PDE4D: variants seen among roughly 807,000 people sequenced by gnomAD.
The protein encoded by PDE4D is phosphodiesterase 4D.
Under a neutral mutation model 87.4 loss-of-function variants are expected in PDE4D, and 24 were observed. The ratio of observed to expected loss-of-function variants is 0.27; its 90% confidence interval spans 0.20 to 0.39. The LOEUF is 0.39. Ranked by LOEUF, PDE4D falls within the 10% of genes least tolerant of loss-of-function variation. The pLI, the probability that PDE4D is intolerant of heterozygous loss-of-function variation, is 1.00. For synonymous variants in PDE4D, 384 were observed against 383.2 expected (o/e 1.00, Z -0.02); for missense variants, 714 against 1,041.0 (o/e 0.69, Z 4.32).
intron 2 of PDE4D, among the ~76,000 whole-genome samples, chr5:60,050,096 C>T (rs1265519690): frequency 3.9e-5 from 6 of 152,178 alleles, no homozygotes; most frequent in East Asian, 1.9e-4. Context: ...GTCAGAAAAG[C>T]GCAGTATTCA....
intron 1 of PDE4D, among the ~76,000 whole-genome samples, chr5:60,302,977 G>A (rs969486934): frequency 2.0e-5 from 3 of 151,918 alleles, no homozygotes; most frequent in Non-Finnish European, 2.9e-5. Context: ...CTACAGGTGC[G>A]TGCCACACAC....
At position 59,649,905 on chromosome 5, in the gene PDE4D, C is replaced by CTTTTTTTTTTTTTT. The variant is rs1156467369; in HGVS notation, c.455+243249_455+243262dup. ...GTTAAAATGTTGATAGTTTGTGAAC[C>CTTTTTTTTTTTTTT]TTTTTTTTTTTTTTTTTTTTTTTTT... On this transcript the variant is annotated intron_variant, in intron 1 of 14. Transcript: ENST00000340635. 1.6e-3 allele frequency among the ~76,000 whole-genome samples: 119 copies of CTTTTTTTTTTTTTT among 72,416 alleles called. 8 individuals are homozygous for CTTTTTTTTTTTTTT. Among genetic ancestry groups the CTTTTTTTTTTTTTT allele is most frequent in the African/African-American group, 6.9e-3 (105 of 15,144 alleles). The allele number at this position is 72,416 out of a possible 152,430, so 47.5% of individuals were successfully genotyped here. A position where few individuals can be genotyped will look rare whatever the true frequency, so the allele number is the denominator to read the frequency against.
At position 59,493,789 on chromosome 5, in the gene PDE4D, TG is replaced by T. The variant is rs1270492803; in HGVS notation, c.456-277822del. Among the ~76,000 whole-genome samples, 9 of 152,060 alleles carry T rather than the reference TG, an allele frequency of 5.9e-5. No individual in the cohort carries two copies. In the South Asian group the frequency reaches 1.9e-3, roughly 32 times the overall value. ...GATCCATCATAATAGGTAGGAAGAG[TG>T]ATTCTATTTATTTGTGAAAATGCAT... On this transcript the variant is annotated intron_variant, in intron 1 of 14. Transcript: ENST00000340635.
At chr5:59,502,642 A>C (rs1038286367) in intron 1 of PDE4D, among the ~76,000 whole-genome samples, 1 of 148,824 alleles carries the variant, frequency 6.7e-6, no homozygotes, top group Non-Finnish European at 1.5e-5. Flanking sequence ...CCACTCAGAT[A>C]ATTTCTTTAT....
chr5:59,178,628 C>A (rs1263462347), intron 5 of PDE4D, among the ~76,000 whole-genome samples: 1 of 152,038 alleles, frequency 6.6e-6, no homozygotes, highest in Non-Finnish European at 1.5e-5. Flanking sequence ...GGGCAGCTGC[C>A]CTGACCACTG....
intron 1 of PDE4D, among the ~76,000 whole-genome samples, chr5:59,268,585 C>A (rs1763250400): frequency 6.6e-6 from 1 of 151,976 alleles, no homozygotes; most frequent in Admixed American, 6.6e-5. Flanking sequence ...ATACCTTCAA[C>A]CCCTGTATTA....
intron 5 of PDE4D, among the ~76,000 whole-genome samples, chr5:59,051,093 C>A (rs543956819): frequency 4.8e-4 from 73 of 152,168 alleles, no homozygotes; most frequent in Non-Finnish European, 8.7e-4. Context: ...GCTTTTAGAC[C>A]AGGCACAGTG....
chr5:60,331,990 T>C (rs933957464), intron 1 of PDE4D, among the ~76,000 whole-genome samples: 1 of 152,186 alleles, frequency 6.6e-6, no homozygotes, highest in Admixed American at 6.5e-5. Flanking sequence ...TTGTTCATTG[T>C]TCTGTGCATC....
At chr5:59,905,364 C>T (rs1300382778) in intron 3 of PDE4D, among the ~76,000 whole-genome samples, 1 of 152,096 alleles carries the variant, frequency 6.6e-6, no homozygotes, top group African/African-American at 2.4e-5. Context: ...CAATTATAAA[C>T]CACAGATTGG....
intron 5 of PDE4D, among the ~76,000 whole-genome samples, chr5:59,160,586 C>T (rs1476194779): frequency 6.6e-6 from 1 of 152,130 alleles, no homozygotes; most frequent in Non-Finnish European, 1.5e-5. Flanking sequence ...TCAAGTGATC[C>T]TCTGGCCTTG....
At chr5:59,093,761 C>T (rs908669418) in intron 5 of PDE4D, among the ~76,000 whole-genome samples, 12 of 152,092 alleles carry the variant, frequency 7.9e-5, no homozygotes, top group African/African-American at 2.9e-4. Context: ...TGAACAGCCT[C>T]TTAAGGAAAC....
chr5:60,339,072 G>A (rs531229936), intron 1 of PDE4D, among the ~76,000 whole-genome samples: 20 of 152,182 alleles, frequency 1.3e-4, no homozygotes, highest in Non-Finnish European at 2.5e-4. Context: ...AACCTTTGCA[G>A]ATCAAGGTGC....
At chr5:59,816,204 T>C (rs935433190) in intron 1 of PDE4D, among the ~76,000 whole-genome samples, 1 of 152,206 alleles carries the variant, frequency 6.6e-6, no homozygotes, top group Non-Finnish European at 1.5e-5. Flanking sequence ...GTAAACAAAA[T>C]AAACACCTGT....
rs71604788 is a variant in PDE4D, at chr5:59,388,626, T to TACACACACACACACACACACAC, written c.456-172680_456-172659dup. Among the ~76,000 whole-genome samples the TACACACACACACACACACACAC allele has an allele frequency of 1.8e-3, 271 of 148,300 alleles. 2 individuals carry two copies. Among genetic ancestry groups the TACACACACACACACACACACAC allele is most frequent in the East Asian group, 7.4e-3 (37 of 4,984 alleles). On this transcript the variant is annotated intron_variant, in intron 1 of 14. Transcript: ENST00000340635. ...CAATGAATGGATAAAGAAAATGTGG[T>TACACACACACACACACACACAC]ACACACACACACACACACACACTCA...
Position 60,400,360 on chromosome 5 carries a change from A to G in PDE4D, c.-90+87582T>C, listed in dbSNP as rs183448408. Among the ~76,000 whole-genome samples the G allele has an allele frequency of 3.5e-3, 536 of 151,760 alleles. 7 individuals are homozygous for G. The highest frequency in any genetic ancestry group is 0.013 in the African/African-American group (519 of 41,344). On this transcript the variant is annotated intron_variant, in intron 1 of 16. Transcript: ENST00000502484. The stretch of plus-strand genomic sequence containing the variant: ...ACATGGTGAAACCCTGTCTCTACTA[A>G]AAATACAAAAAATTAGCCAGGCGTG...
rs1334950979 is a variant in PDE4D at position 59,054,031 on chromosome 5, A to G, written c.809-15060T>C. On this transcript the variant is annotated intron_variant, in intron 5 of 14. Coordinates refer to ENST00000340635, the MANE Select transcript of PDE4D (RefSeq NM_001104631.2). Reference sequence around the variant, plus strand: ...ATTTATTCAATGAATAAATTATTCAATGAAGAAGCTTCTGGGTATTTAGGT... The same window carrying G: ...ATTTATTCAATGAATAAATTATTCAGTGAAGAAGCTTCTGGGTATTTAGGT... 3.9e-5 allele frequency among the ~76,000 whole-genome samples: 6 copies of G among 152,168 alleles called. No homozygotes were observed. The East Asian group carries it at 1.2e-3, about 29-fold the overall frequency.
Position 59,654,410 on chromosome 5 carries a change from A to G in PDE4D, c.455+238758T>C, listed in dbSNP as rs1744025636. Among the ~76,000 whole-genome samples, 3 of 152,192 alleles carry G rather than the reference A, an allele frequency of 2.0e-5. No homozygotes were observed. In the South Asian group the frequency reaches 6.2e-4, roughly 32 times the overall value. On this transcript the variant is annotated intron_variant, in intron 1 of 14. Transcript: ENST00000340635. ...TCATCCTTGACAAAAGCATCAGTTT[A>G]CTGACAGACTTTGTGGTTTGAGGTA... is the stretch of plus-strand genomic sequence containing the variant.
chr5:60,104,173 C>T (rs1277432433), intron 2 of PDE4D, among the ~76,000 whole-genome samples: 5 of 152,178 alleles, frequency 3.3e-5, no homozygotes, highest in Non-Finnish European at 5.9e-5. Flanking sequence ...TGCGCTTTTC[C>T]CACGGGCTAA....
At chr5:59,276,711 A>T (rs1366442971) in intron 1 of PDE4D, among the ~76,000 whole-genome samples, 6 of 151,934 alleles carry the variant, frequency 3.9e-5, no homozygotes, top group East Asian at 1.9e-4. Flanking sequence ...TTTTTTTTTA[A>T]AAAAAATGCA....
Sources: allele counts gnomAD v4.1 joint callset (sites outside exome capture counted in the v4.1 genomes callset), GRCh38; gene constraint gnomAD v4.1.1; transcripts MANE v1.5; gene names NCBI Gene and HGNC (gene_info 2026-07-23, HGNC 2026-07-21).